Variants in FHAD1 observed in about 807,000 individuals in gnomAD.
FHAD1 encodes the protein forkhead associated phosphopeptide binding domain 1.
FHAD1 carries 146 observed loss-of-function variants against 191.3 expected under a neutral mutation model. The observed-to-expected ratio is 0.76, with a 90% confidence interval of 0.67 to 0.88. The LOEUF is 0.88. FHAD1 is among the 40% of genes least tolerant of loss of function. FHAD1 has a pLI of 0.00. For missense variants in FHAD1, 1,635 were observed against 1,785.8 expected (o/e 0.92, Z 1.52); for synonymous variants, 616 against 672.3 (o/e 0.92, Z 1.29).
In FHAD1 at chr1:15,316,556, G is replaced by T. The variant is rs142519877; in HGVS notation, c.1260+89G>T. 2.3e-4 allele frequency: 246 copies of T among 1,069,702 alleles called. 2 individuals carry two copies. In the East Asian group the frequency reaches 6.0e-3, roughly 26 times the overall value. 66.3% of individuals were successfully genotyped at this position (1,069,702 alleles called of 1,614,324 possible). On this transcript the variant is annotated intron_variant, in intron 9 of 33. Transcript: ENST00000688493. The surrounding 1 kb of genome is among the most constrained non-coding windows in gnomAD (Gnocchi z 4.3). ...TGGTGGGATCCTGGGCCATCACTAA[G>T]CATGAAGCTCTGGGGCTCTGTGCTT...
chr1:15,351,135 G>A (rs1424113593), intron 19 of FHAD1, among the ~76,000 whole-genome samples: 1 of 152,074 alleles, frequency 6.6e-6, no homozygotes, highest in South Asian at 2.1e-4. Context: ...ACTTGAGGTT[G>A]GGAGTTCAAG....
intron 24 of FHAD1, among the ~76,000 whole-genome samples, chr1:15,366,563 A>G (rs1696545105): frequency 6.6e-6 from 1 of 152,184 alleles, no homozygotes; most frequent in African/African-American, 2.4e-5. Context: ...TTGGAGGGCA[A>G]TCCTGGGATC....
At chr1:15,304,574 T>G (rs1439628842) in intron 6 of FHAD1, among the ~76,000 whole-genome samples, 1 of 152,200 alleles carries the variant, frequency 6.6e-6, no homozygotes, top group Admixed American at 6.5e-5. Flanking sequence ...AGAAGAGCTG[T>G]AACTTTTTTA....
intron 21 of FHAD1, among the ~76,000 whole-genome samples, chr1:15,359,818 C>T (rs145690709): frequency 0.027 from 4,176 of 152,232 alleles, 80 homozygotes; most frequent in African/African-American, 0.054. Context: ...GGCGTGGTGG[C>T]GGGCGCCTGT....
intron 17 of FHAD1, 108 bp from the exon 18 acceptor site, chr1:15,345,308 C>A: frequency 7.4e-7 from 1 of 1,344,210 alleles, no homozygotes; most frequent in Non-Finnish European, 1.0e-6. Context: ...GTCCACAGTC[C>A]CCTAGGGAGG....
At chr1:15,402,026 G>A (rs1707139907), downstream of FHAD1, among the ~76,000 whole-genome samples, 1 of 152,214 alleles carries the variant, frequency 6.6e-6, no homozygotes, top group Non-Finnish European at 1.5e-5. Flanking sequence ...TGAGTTTCCT[G>A]TCATCTTTAG....
chr1:15,304,181 C>A (rs751718039), intron 6 of FHAD1, among the ~76,000 whole-genome samples: 13 of 152,260 alleles, frequency 8.5e-5, no homozygotes, highest in Non-Finnish European at 1.8e-4. Flanking sequence ...TACCCCAAGA[C>A]AATGCGTACC....
chr1:15,293,251 C>A (rs2100683119), intron 4 of FHAD1, among the ~76,000 whole-genome samples: 1 of 152,306 alleles, frequency 6.6e-6, no homozygotes, highest in Non-Finnish European at 1.5e-5. Flanking sequence ...CAAGTCAGTT[C>A]CCAACCCTTG....
At position 15,327,074 on chromosome 1, in the gene FHAD1, A is replaced by G. The variant is rs1558120724; in HGVS notation, c.1489A>G (p.Ser497Gly). Reference sequence around the variant, plus strand: ...TCTGCTGCAGCTGGAGCACTTCAGAAGTCAAGTCATCAAGGCCACCTATGG... The same window carrying G: ...TCTGCTGCAGCTGGAGCACTTCAGAGGTCAAGTCATCAAGGCCACCTATGG... ...RAVGQLEHFR[S>G]QVIKATYGRA... The change falls in exon 12 of 34, where the codon AGT becomes GGT. Residue 497 changes from serine to glycine, a missense_variant. Physicochemically the swap from Ser to Gly is moderately conservative, Grantham distance 56. Transcript: ENST00000688493. The surrounding 1 kb of genome is among the most constrained non-coding windows in gnomAD (Gnocchi z 5.1). The G allele has an allele frequency of 6.4e-7, 1 of 1,550,648 alleles. No individual in the cohort carries two copies. Among genetic ancestry groups the G allele is most frequent in the Non-Finnish European group, 8.7e-7 (1 of 1,146,520 alleles).
At chr1:15,288,420 G>C (rs1031019555) in intron 3 of FHAD1, among the ~76,000 whole-genome samples, 1 of 152,214 alleles carries the variant, frequency 6.6e-6, no homozygotes, top group Admixed American at 6.5e-5. Flanking sequence ...CATCTTCCCC[G>C]GGGCCTCTGC....
chr1:15,381,269 C>T lies in FHAD1; in HGVS notation c.3840C>T (p.Asn1280=), dbSNP rs1700838150. The T allele has an allele frequency of 6.4e-7, 1 of 1,551,560 alleles. No homozygotes were observed. The highest frequency in any genetic ancestry group is 1.4e-5 in the African/African-American group (1 of 73,018). Residue 1280 remains asparagine, a synonymous_variant, in exon 30 of 34, where the codon AAC becomes AAT. Coordinates refer to ENST00000688493, the MANE Select transcript of FHAD1 (RefSeq NM_001391957.1). This position sits in a 1 kb window ranked among gnomAD's most constrained non-coding sequence, Gnocchi z 4.6. ...GCAAAACCCTCGGAAGTCTCATGAA[C>T]ATCAAGAATATGTCAGGCCACGTGT... is the stretch of plus-strand genomic sequence containing the variant. The part of the protein sequence containing the change: ...DMSKTLGSLM[N]IKNMSGHVSM...
Position 15,388,104 on chromosome 1 carries a change from CTG to C in FHAD1, c.4245_4246del (p.Ala1416LeufsTer58). 1 of 1,289,896 alleles carries C rather than the reference CTG, an allele frequency of 7.8e-7. No individual in the cohort carries two copies. Among genetic ancestry groups the C allele is most frequent in the African/African-American group, 1.5e-5 (1 of 65,958 alleles). 79.9% of individuals were successfully genotyped at this position (1,289,896 alleles called of 1,614,324 possible). A position where few individuals can be genotyped will look rare whatever the true frequency, so the allele number is the denominator to read the frequency against. The part of the protein sequence containing the change: ...RNAKESTPCN[C>X]AFKEKDRQRR... Reference sequence around the variant, plus strand: ...ACGCAAAAGAATCGACACCTTGCAACTGTGCCTTCAAAGAGAAAGACAGGCAG... The same window carrying C: ...ACGCAAAAGAATCGACACCTTGCAACTGCCTTCAAAGAGAAAGACAGGCAG... On this transcript the variant is annotated frameshift_variant, in exon 32 of 34. Coordinates refer to ENST00000688493, the MANE Select transcript of FHAD1 (RefSeq NM_001391957.1). LOFTEE classifies it high-confidence loss of function.
At chr1:15,247,545 AC>A (rs1646231108) in intron 1 of FHAD1, 150 bp downstream of exon 1, 1 of 156,728 alleles carries the variant, frequency 6.4e-6, no homozygotes, top group Non-Finnish European at 1.4e-5. Flanking sequence ...CCCAGTAGCT[AC>A]CCCAACACCA....
chr1:15,301,322 CAG>C lies in FHAD1; in HGVS notation c.798_799del (p.Lys267GlyfsTer11). ...NLQNEVAELS[Q>X]KVSETTTSRQ... ...GCAGAATGAAGTGGCTGAGCTGAGT[CAG>C]AAGGTGTCAGAGACCACCACCTCCA... On this transcript the variant is annotated frameshift_variant, in exon 6 of 34. Transcript: ENST00000688493. LOFTEE classifies it high-confidence loss of function. 1 of 1,551,714 alleles carries C rather than the reference CAG, an allele frequency of 6.4e-7. No individual in the cohort carries two copies. The highest frequency in any genetic ancestry group is 8.7e-7 in the Non-Finnish European group (1 of 1,147,004).
intron 2 of FHAD1, among the ~76,000 whole-genome samples, chr1:15,260,223 C>A (rs1650368056): frequency 6.6e-6 from 1 of 152,188 alleles, no homozygotes. Context: ...GCTCTGCCCT[C>A]TGAGTTGTAG....
At position 15,382,073 on chromosome 1, in the gene FHAD1, G is replaced by C. The variant is rs1701044596; in HGVS notation, c.4068G>C (p.Lys1356Asn). The change falls in exon 31 of 34, where the codon AAG (lysine) becomes AAC (asparagine). Residue 1356 changes from lysine to asparagine, a missense_variant. Lys to Asn is a moderately conservative substitution (Grantham distance 94). Transcript: ENST00000688493. Reference protein sequence around the residue: ...SIEMYQSQVAKLEDDIYKEAE... With the variant: ...SIEMYQSQVANLEDDIYKEAE... The stretch of plus-strand genomic sequence containing the variant: ...AGATGTACCAGTCGCAGGTGGCAAA[G>C]CTGGAGGATGATATCTACAAAGAGG... 6.4e-7 allele frequency: 1 copy of C among 1,552,204 alleles called. No individual in the cohort carries two copies. The highest frequency in any genetic ancestry group is 8.7e-7 in the Non-Finnish European group (1 of 1,147,104).
intron 20 of FHAD1, among the ~76,000 whole-genome samples, chr1:15,355,937 A>C (rs761209137): frequency 1.0e-3 from 94 of 90,540 alleles, no homozygotes; most frequent in Non-Finnish European, 1.5e-3. Context: ...AGAAAACTTG[A>C]AAAAAAAAAA....
chr1:15,374,648 C>G lies in FHAD1; in HGVS notation c.3577+17C>G. ...GCTCACCAGGTAAGTCTCCTCCTTC[C>G]TAGTCAGAGCAGTGGACCCCAGACT... On this transcript the variant is annotated intron_variant, in intron 27 of 33. Transcript: ENST00000688493. The G allele has an allele frequency of 6.4e-7, 1 of 1,550,528 alleles. No homozygotes were observed. Among genetic ancestry groups the G allele is most frequent in the East Asian group, 2.4e-5 (1 of 40,910 alleles).
In FHAD1 at chr1:15,289,122, C is replaced by T. The variant is rs1451470089; in HGVS notation, c.301-277C>T. On this transcript the variant is annotated intron_variant, in intron 3 of 33. Transcript: ENST00000688493. The surrounding 1 kb of genome is among the most constrained non-coding windows in gnomAD (Gnocchi z 4.2). ...ACCTCAGCCTCTCAAGTAGCTGGGA[C>T]TACAGGCATAGGCCACAAGGCCCAG... 4.6e-5 allele frequency among the ~76,000 whole-genome samples: 7 copies of T among 152,184 alleles called. No homozygotes were observed. Among genetic ancestry groups the T allele is most frequent in the Non-Finnish European group, 8.8e-5 (6 of 68,036 alleles).
Sources: allele counts gnomAD v4.1 joint callset (sites outside exome capture counted in the v4.1 genomes callset), GRCh38; gene constraint gnomAD v4.1.1; non-coding constraint Gnocchi (gnomAD v3.1); transcripts MANE v1.5; gene names NCBI Gene and HGNC (gene_info 2026-07-23, HGNC 2026-07-21).